CHERP: variants seen among roughly 807,000 people sequenced by gnomAD.
The protein encoded by CHERP is ERPROT 213-21.
Under a neutral mutation model 113.8 loss-of-function variants are expected in CHERP, and 8 were observed. That is an observed-to-expected ratio of 0.07 (90% CI 0.04 to 0.13). The LOEUF (loss-of-function observed/expected upper bound fraction) is 0.13, where lower values mean the gene tolerates loss of function less well. Among genes scored for constraint, CHERP ranks in the 10% least tolerant of loss-of-function variants. The pLI is 1.00. For missense variants in CHERP, 884 were observed against 1,298.2 expected, an observed-to-expected ratio of 0.68 and a Z score of 4.90; for synonymous variants, 559 against 524.5, an observed-to-expected ratio of 1.07 and a Z score of -0.90.
chr19:16,531,323 A>G (rs539144135), intron 5 of CHERP, among the ~76,000 whole-genome samples: 1 of 152,124 alleles, frequency 6.6e-6, no homozygotes, highest in Non-Finnish European at 1.5e-5. Context: ...CTCTTGGGAG[A>G]AGGAGGGAGG....
chr19:16,519,564 C>T lies in CHERP; in HGVS notation c.2557+57G>A. On this transcript the variant is annotated intron_variant, in intron 16 of 16. Transcript: ENST00000546361. The surrounding 1 kb of genome is among the most constrained non-coding windows in gnomAD (Gnocchi z 6.0). ...TGAGGAAGAGAAAGCGCTGGTGACT[C>T]CCGGGCCCAGCACGCGTGAGGACCC... 2 of 1,486,892 alleles carry T rather than the reference C, an allele frequency of 1.3e-6. No homozygotes were observed. The highest frequency in any genetic ancestry group is 1.1e-5 in the South Asian group (1 of 88,342). 92.1% of individuals were successfully genotyped at this position (1,486,892 alleles called of 1,614,324 possible).
At chr19:16,541,805 G>A in intron 2 of CHERP, 65 bp downstream of exon 2, 4 of 1,519,688 alleles carry the variant, frequency 2.6e-6, no homozygotes, top group Non-Finnish European at 2.7e-6. Context: ...TTGTGGCAGA[G>A]CCCGGACTGG....
chr19:16,522,122 C>A (rs1330390719), intron 11 of CHERP, among the ~76,000 whole-genome samples: 1 of 152,082 alleles, frequency 6.6e-6, no homozygotes, highest in Non-Finnish European at 1.5e-5. Context: ...CTTGCCTGGG[C>A]CCCCGCCCGC....
intron 2 of CHERP, among the ~76,000 whole-genome samples, chr19:16,539,038 G>A (rs565196215): frequency 6.6e-6 from 1 of 151,624 alleles, no homozygotes; most frequent in African/African-American, 2.4e-5. Context: ...AGGCCTCACT[G>A]CTCCCCAGGC....
chr19:16,535,754 G>C lies in CHERP; in HGVS notation c.200-118C>G. ...CCCCAGGGACTCACCATCCACGAGG[G>C]CCTGTTCATAGCCTCATGCCCACGC... On this transcript the variant is annotated intron_variant, in intron 2 of 16. Coordinates refer to ENST00000546361, the MANE Select transcript of CHERP (RefSeq NM_006387.6). The surrounding 1 kb of genome is among the most constrained non-coding windows in gnomAD (Gnocchi z 4.3). 1.0e-6 allele frequency: 1 copy of C among 993,682 alleles called. No individual in the cohort carries two copies. The highest frequency in any genetic ancestry group is 1.4e-6 in the Non-Finnish European group (1 of 697,898). 61.6% of individuals were successfully genotyped at this position (993,682 alleles called of 1,614,324 possible).
rs1420133238 is a variant in CHERP, at chr19:16,523,876, TATC to T, written c.1742-589_1742-587del. Among the ~76,000 whole-genome samples the T allele has an allele frequency of 1.3e-5, 2 of 152,184 alleles. No homozygotes were observed. The highest frequency in any genetic ancestry group is 4.8e-5 in the African/African-American group (2 of 41,430). ...TTGAAGCCGTCCAGGCTGTGGGACT[TATC>T]ATGTCAGCCCAAGCCAAAAAGTAAA... is the stretch of plus-strand genomic sequence containing the variant. On this transcript the variant is annotated intron_variant, in intron 10 of 16. Transcript: ENST00000546361. This position sits in a 1 kb window ranked among gnomAD's most constrained non-coding sequence, Gnocchi z 4.0.
chr19:16,520,795 C>T lies in CHERP; in HGVS notation c.2201+31G>A, dbSNP rs1365076015. The T allele has an allele frequency of 1.3e-6, 2 of 1,599,276 alleles. No individual in the cohort carries two copies. The highest frequency in any genetic ancestry group is 1.1e-5 in the South Asian group (1 of 90,824). Reference sequence around the variant, plus strand: ...CCATCACAAGCTGTGGACCCTGGCCCCCCGGCCACTGCAGACATCTGCGCT... The same window carrying T: ...CCATCACAAGCTGTGGACCCTGGCCTCCCGGCCACTGCAGACATCTGCGCT... On this transcript the variant is annotated intron_variant, in intron 13 of 16. Coordinates refer to ENST00000546361, the MANE Select transcript of CHERP (RefSeq NM_006387.6). This position sits in a 1 kb window ranked among gnomAD's most constrained non-coding sequence, Gnocchi z 4.0.
rs890918682 is a variant in CHERP, at chr19:16,520,176, C to G, written c.2435G>C (p.Arg812Pro). Residue 812 changes from arginine to proline, a missense_variant, in exon 15 of 17, where the codon CGG (arginine) becomes CCG (proline). Arg to Pro is a moderately radical substitution (Grantham distance 103). This residue lies in a region of CHERP where 159 missense variants were observed against 185.8 expected (regional missense o/e 0.86). Coordinates refer to ENST00000546361, the MANE Select transcript of CHERP (RefSeq NM_006387.6). This position sits in a 1 kb window ranked among gnomAD's most constrained non-coding sequence, Gnocchi z 4.0. The stretch of plus-strand genomic sequence containing the variant: ...CGGGGTGGGGCTCCTGGACCGTGAC[C>G]GGCGTCTTCTTCCTGGGGAGTACGA... ...SKSYSPGRRR[R>P]SRSRSPTPPS... The G allele has an allele frequency of 6.2e-7, 1 of 1,612,866 alleles. No individual in the cohort carries two copies. The highest frequency in any genetic ancestry group is 8.5e-7 in the Non-Finnish European group (1 of 1,180,006).
In CHERP at chr19:16,530,455, C is replaced by G. The variant is rs1345162352; in HGVS notation, c.876+130G>C. Reference sequence around the variant, plus strand: ...CTCTCTGGTCAACACACACTGGCTACTCCTAGCACAGGCAGGGGACATGGG... The same window carrying G: ...CTCTCTGGTCAACACACACTGGCTAGTCCTAGCACAGGCAGGGGACATGGG... On this transcript the variant is annotated intron_variant, in intron 7 of 16. Coordinates refer to ENST00000546361, the MANE Select transcript of CHERP (RefSeq NM_006387.6). This position sits in a 1 kb window ranked among gnomAD's most constrained non-coding sequence, Gnocchi z 4.1. 1 of 822,024 alleles carries G rather than the reference C, an allele frequency of 1.2e-6. No homozygotes were observed. The highest frequency in any genetic ancestry group is 1.7e-5 in the African/African-American group (1 of 59,614). 50.9% of individuals were successfully genotyped at this position (822,024 alleles called of 1,614,324 possible). A position where few individuals can be genotyped will look rare whatever the true frequency, so the allele number is the denominator to read the frequency against.
rs763970362 is a variant in CHERP at position 16,532,776 on chromosome 19, G to A, written c.523-27C>T. 47 of 1,591,460 alleles carry A rather than the reference G, an allele frequency of 3.0e-5. No individual in the cohort carries two copies. The highest frequency in any genetic ancestry group is 3.4e-5 in the Non-Finnish European group (40 of 1,164,682). ...TGCAACAACCGAGCCAATGACGAGT[G>A]AGCAGGGCCGCGGCTCCCCCAGGCA... On this transcript the variant is annotated intron_variant, in intron 4 of 16. Transcript: ENST00000546361. This position sits in a 1 kb window ranked among gnomAD's most constrained non-coding sequence, Gnocchi z 4.4.
Position 16,530,457 on chromosome 19 carries a change from C to A in CHERP, c.876+128G>T. ...CTCTGGTCAACACACACTGGCTACTCCTAGCACAGGCAGGGGACATGGGCT... is the reference window on the plus strand; with the variant it reads ...CTCTGGTCAACACACACTGGCTACTACTAGCACAGGCAGGGGACATGGGCT... On this transcript the variant is annotated intron_variant, in intron 7 of 16. Coordinates refer to ENST00000546361, the MANE Select transcript of CHERP (RefSeq NM_006387.6). This position sits in a 1 kb window ranked among gnomAD's most constrained non-coding sequence, Gnocchi z 4.1. 1.2e-6 allele frequency: 1 copy of A among 837,664 alleles called. No individual in the cohort carries two copies. Among genetic ancestry groups the A allele is most frequent in the Middle Eastern group, 3.1e-4 (1 of 3,186 alleles). 51.9% of individuals were successfully genotyped at this position (837,664 alleles called of 1,614,324 possible). A position where few individuals can be genotyped will look rare whatever the true frequency, so the allele number is the denominator to read the frequency against.
In CHERP at chr19:16,535,557, G is replaced by T. The variant is rs764986888; in HGVS notation, c.279C>A (p.Ala93=). The change falls in exon 3 of 17, where the codon GCC becomes GCA. Residue 93 remains alanine, a synonymous_variant. Coordinates refer to ENST00000546361, the MANE Select transcript of CHERP (RefSeq NM_006387.6). This position sits in a 1 kb window ranked among gnomAD's most constrained non-coding sequence, Gnocchi z 4.3. ...CGCCCTGGGCCGGCGGGATGGGCGC[G>T]GCGGGGGCCAGCGGGGGCTGTGGCA... ...PPLPQPPLAP[A]APIPPAQGAP... is the part of the protein sequence containing the mutation. 4 of 1,580,662 alleles carry T rather than the reference G, an allele frequency of 2.5e-6. No individual in the cohort carries two copies. The Admixed American group carries it at 5.5e-5, about 22-fold the overall frequency.
chr19:16,527,584 C>G lies in CHERP; in HGVS notation c.1305+496G>C, dbSNP rs144369025. ...CGCTGCAGGGCATTTCACAGCCATG[C>G]TGTGCCACATAAGGTGGCCCCTGCC... is the stretch of plus-strand genomic sequence containing the variant. On this transcript the variant is annotated intron_variant, in intron 9 of 16. Transcript: ENST00000546361. Among the ~76,000 whole-genome samples the G allele has an allele frequency of 1.1e-3, 163 of 152,334 alleles. 2 individuals carry two copies. Among genetic ancestry groups the G allele is most frequent in the Non-Finnish European group, 1.2e-4 (8 of 68,028 alleles).
At position 16,541,852 on chromosome 19, in the gene CHERP, GT is replaced by G; in HGVS notation, c.199+17del. The G allele has an allele frequency of 1.2e-6, 2 of 1,608,850 alleles. No homozygotes were observed. The highest frequency in any genetic ancestry group is 1.7e-6 in the Non-Finnish European group (2 of 1,178,274). ...GGAAGCGCTCGATGGGACGGCCTGAGTGCCGGAGGGGACTCACGCTGCTGCT... is the reference window on the plus strand; with the variant it reads ...GGAAGCGCTCGATGGGACGGCCTGAGGCCGGAGGGGACTCACGCTGCTGCT... On this transcript the variant is annotated intron_variant, in intron 2 of 16. Transcript: ENST00000546361.
At position 16,523,029 on chromosome 19, in the gene CHERP, T is replaced by G. The variant is rs1171881931; in HGVS notation, c.1980+23A>C. 6.7e-7 allele frequency: 1 copy of G among 1,498,356 alleles called. No homozygotes were observed. Among genetic ancestry groups the G allele is most frequent in the Non-Finnish European group, 8.9e-7 (1 of 1,127,410 alleles). 92.8% of individuals were successfully genotyped at this position (1,498,356 alleles called of 1,614,324 possible). A position where few individuals can be genotyped will look rare whatever the true frequency, so the allele number is the denominator to read the frequency against. ...ACCAGTATGGTAAGCGTGCTCAGCT[T>G]GGAGCCCACTGTGGGGCATTACCTT... On this transcript the variant is annotated intron_variant, in intron 11 of 16. Coordinates refer to ENST00000546361, the MANE Select transcript of CHERP (RefSeq NM_006387.6). The surrounding 1 kb of genome is among the most constrained non-coding windows in gnomAD (Gnocchi z 4.0).
At chr19:16,540,817 C>A (rs1300683292) in intron 2 of CHERP, among the ~76,000 whole-genome samples, 1 of 151,980 alleles carries the variant, frequency 6.6e-6, no homozygotes, top group East Asian at 1.9e-4. Context: ...CCCGCCTCAG[C>A]CTCCCAAGTA....
intron 1 of CHERP, 106 bp from the exon 2 acceptor site, chr19:16,542,149 T>TG: frequency 7.4e-7 from 1 of 1,345,282 alleles, no homozygotes; most frequent in South Asian, 1.5e-5. Context: ...CCCAAGGGGG[T>TG]GGGCCCCGAA....
In CHERP at chr19:16,525,964, C is replaced by T. The variant is rs551954832; in HGVS notation, c.1306-287G>A. Among the ~76,000 whole-genome samples the T allele has an allele frequency of 1.3e-5, 2 of 152,340 alleles. No individual in the cohort carries two copies. Among genetic ancestry groups the T allele is most frequent in the African/African-American group, 2.4e-5 (1 of 41,574 alleles). On this transcript the variant is annotated intron_variant, in intron 9 of 16. Transcript: ENST00000546361. The surrounding 1 kb of genome is among the most constrained non-coding windows in gnomAD (Gnocchi z 6.5). ...GCTGCACCCGCACACAGGCCGCCCG[C>T]GCCACAAGGTGCTCCCCGCTACCAC...
chr19:16,531,232 G>T (rs563126686), intron 5 of CHERP, among the ~76,000 whole-genome samples: 2 of 152,244 alleles, frequency 1.3e-5, no homozygotes, highest in East Asian at 3.9e-4. Context: ...TGTGTATGAT[G>T]GGCGGGATGG....
Sources: gnomAD v4.1 joint callset for allele counts (sites outside exome capture counted in the v4.1 genomes callset) on GRCh38, gnomAD v4.1.1 for gene constraint, gnomAD v4.1.1 regional missense constraint, Gnocchi (gnomAD v3.1) non-coding constraint, MANE v1.5 for transcripts, NCBI Gene and HGNC (gene_info 2026-07-23, HGNC 2026-07-21) for gene names.